KIF5B: variants seen among roughly 807,000 people sequenced by gnomAD.
KIF5B encodes kinesin-1 heavy chain.
In KIF5B, 49 loss-of-function variants were observed where a neutral mutation model predicts 132.8. The observed-to-expected ratio is 0.37, with a 90% CI of 0.29 to 0.47. KIF5B has a LOEUF of 0.47. Among genes scored for constraint, KIF5B ranks in the 20% least tolerant of loss-of-function variants. The pLI, the probability that KIF5B is intolerant of heterozygous loss-of-function variation, is 1.00. For missense variants in KIF5B, 780 were observed against 1,144.0 expected (o/e 0.68, Z 4.59); for synonymous variants, 355 against 369.4 (o/e 0.96, Z 0.45).
At chr10:32,045,939 C>A (rs1841602229) in intron 2 of KIF5B, among the ~76,000 whole-genome samples, 1 of 152,054 alleles carries the variant, frequency 6.6e-6, no homozygotes, top group East Asian at 1.9e-4. Flanking sequence ...AGAAGATTAA[C>A]CTAGGGACCA....
intron 2 of KIF5B, among the ~76,000 whole-genome samples, chr10:32,041,139 CTG>C (rs1841532056): frequency 7.9e-6 from 1 of 126,828 alleles, no homozygotes; most frequent in Non-Finnish European, 1.6e-5. Context: ...CAGTGAGACT[CTG>C]TCTCAAAAAA....
chr10:32,019,441 C>T (rs1841227834), intron 20 of KIF5B, among the ~76,000 whole-genome samples: 1 of 152,068 alleles, frequency 6.6e-6, no homozygotes, highest in Non-Finnish European at 1.5e-5. Context: ...ACCATGAAAA[C>T]CTCTGTTCAA....
At position 32,019,683 on chromosome 10, in the gene KIF5B, C is replaced by A. The variant is rs559186796; in HGVS notation, c.2306+175G>T. Among the ~76,000 whole-genome samples, 5 of 152,214 alleles carry A rather than the reference C, an allele frequency of 3.3e-5. No homozygotes were observed. In the South Asian group the frequency reaches 8.3e-4, roughly 25 times the overall value. ...ATAAGACCTTGCTTTCACTCAAATG[C>A]AAGTATATATTCCAAGTATTTAGAT... On this transcript the variant is annotated intron_variant, in intron 20 of 25. Transcript: ENST00000302418.
In KIF5B at chr10:32,055,949, T is replaced by G; in HGVS notation, c.25A>C (p.Ile9Leu). ...GGTCTGAAGCGACACATCACTTTGATGTTGCACTCGGCCAGGTCCGCCATC... is the reference window on the plus strand; with the variant it reads ...GGTCTGAAGCGACACATCACTTTGAGGTTGCACTCGGCCAGGTCCGCCATC... MADLAECNIKVMCRFRPLN... is the reference protein window; with the variant it reads MADLAECNLKVMCRFRPLN... Residue 9 changes from isoleucine to leucine, a missense_variant, in exon 1 of 26, where the codon ATC becomes CTC. By Grantham distance (5) the Ile-to-Leu change is conservative (BLOSUM62 2). This residue lies in a region of KIF5B where 66 missense variants were observed against 83.4 expected (regional missense o/e 0.79). Coordinates refer to ENST00000302418, the MANE Select transcript of KIF5B (RefSeq NM_004521.3). The G allele has an allele frequency of 6.2e-7, 1 of 1,609,728 alleles. No homozygotes were observed. Among genetic ancestry groups the G allele is most frequent in the Non-Finnish European group, 8.5e-7 (1 of 1,179,894 alleles).
At chr10:32,042,031 G>A (rs1016167208) in intron 2 of KIF5B, among the ~76,000 whole-genome samples, 5 of 152,120 alleles carry the variant, frequency 3.3e-5, no homozygotes, top group South Asian at 2.1e-4. Flanking sequence ...TCTGGCTTTC[G>A]AGGATTTTGT....
intron 17 of KIF5B, among the ~76,000 whole-genome samples, chr10:32,021,765 G>T (rs1197116756): frequency 1.3e-5 from 2 of 152,120 alleles, no homozygotes; most frequent in Admixed American, 6.5e-5. Context: ...GAGGTCAGGA[G>T]ATCAAGACCA....
intron 25 of KIF5B, among the ~76,000 whole-genome samples, chr10:32,011,861 A>C (rs1564460516): frequency 6.6e-6 from 1 of 152,274 alleles, no homozygotes; most frequent in East Asian, 1.9e-4. Flanking sequence ...ACCAGCAGAC[A>C]GTGGTCAGTG....
intron 13 of KIF5B, among the ~76,000 whole-genome samples, chr10:32,031,753 T>C (rs28546184): frequency 6.7e-6 from 1 of 148,840 alleles, no homozygotes; most frequent in East Asian, 2.0e-4. Context: ...AATCCCAGCA[T>C]TTTGGGAGGC....
rs1841072271 is a variant in KIF5B, at chr10:32,011,067, C to G, written c.*470G>C. On this transcript the variant is annotated 3_prime_UTR_variant, in exon 26 of 26. Transcript: ENST00000302418. ...AGTGGTAAAATTTAAAGACATTTAA[C>G]CTAAATGTTCCATTTTCTCTTAAGA... 1 of 151,770 alleles carries G rather than the reference C, an allele frequency of 6.6e-6. No homozygotes were observed. Among genetic ancestry groups the G allele is most frequent in the Admixed American group, 6.6e-5 (1 of 15,238 alleles). 9.4% of individuals were successfully genotyped at this position (151,770 alleles called of 1,614,324 possible).
intron 15 of KIF5B, among the ~76,000 whole-genome samples, chr10:32,026,792 A>G (rs184128967): frequency 5.8e-4 from 88 of 152,344 alleles, no homozygotes; most frequent in African/African-American, 2.1e-3. Context: ...GTTCTGCGAT[A>G]TGAAATAAAT....
chr10:32,025,256 G>A (rs990772169), intron 15 of KIF5B, among the ~76,000 whole-genome samples: 3 of 152,170 alleles, frequency 2.0e-5, no homozygotes, highest in African/African-American at 4.8e-5. Context: ...CACCACTTTG[G>A]AAGACCATTT....
chr10:32,040,626 A>AAC (rs72393080), intron 2 of KIF5B, among the ~76,000 whole-genome samples, 169 bp from the exon 3 acceptor site: 2,362 of 142,160 alleles, frequency 0.017, 54 homozygotes, highest in African/African-American at 0.058. Context: ...AACACCCTAA[A>AAC]ACACACACAC....
chr10:32,019,783 T>C, intron 20 of KIF5B, 75 bp downstream of exon 20: 1 of 962,020 alleles, frequency 1.0e-6, no homozygotes, highest in Non-Finnish European at 1.6e-6. Flanking sequence ...ATCCACTGGC[T>C]ATATCCAAAG....
Position 32,011,304 on chromosome 10 carries a change from T to C in KIF5B, c.*233A>G, listed in dbSNP as rs1413025688. The C allele has an allele frequency of 6.6e-6, 1 of 152,600 alleles. No individual in the cohort carries two copies. Among genetic ancestry groups the C allele is most frequent in the African/African-American group, 2.4e-5 (1 of 41,452 alleles). The allele number at this position is 152,600 out of a possible 1,614,324, so 9.5% of individuals were successfully genotyped here. ...GGCCACAGTTGTAAACTGTCCTTTT[T>C]CCCTCCTAAGATGCCAAAATTGCAC... On this transcript the variant is annotated 3_prime_UTR_variant, in exon 26 of 26. Transcript: ENST00000302418.
rs1460903854 is a variant in KIF5B at position 32,026,081 on chromosome 10, G to A, written c.1725+2347C>T. Among the ~76,000 whole-genome samples, 4 of 152,076 alleles carry A rather than the reference G, an allele frequency of 2.6e-5. No individual in the cohort carries two copies. In the East Asian group the frequency reaches 7.7e-4, roughly 29 times the overall value. On this transcript the variant is annotated intron_variant, in intron 15 of 25. Coordinates refer to ENST00000302418, the MANE Select transcript of KIF5B (RefSeq NM_004521.3). The stretch of plus-strand genomic sequence containing the variant: ...ACTCCTTAAAATCCACACAACTATA[G>A]AATACAATGAGTACAACAATCATTG...
chr10:32,013,378 A>C (rs901112019), intron 25 of KIF5B, among the ~76,000 whole-genome samples: 2 of 152,236 alleles, frequency 1.3e-5, no homozygotes, highest in African/African-American at 2.4e-5. Context: ...GCTGAGTCTA[A>C]TCAATGCTTT....
At position 32,056,200 on chromosome 10, in the gene KIF5B, T is replaced by TGGCGGCGGCGGC. The variant is rs879259305; in HGVS notation, c.-228_-227insGCCGCCGCCGCC. ...CACTTCCGATCCATCATGGCAGCCA[T>TGGCGGCGGCGGC]GGCGGCGGCAGCGGCGGCGGCACCG... On this transcript the variant is annotated 5_prime_UTR_variant, in exon 1 of 26. Coordinates refer to ENST00000302418, the MANE Select transcript of KIF5B (RefSeq NM_004521.3). 1 of 496,746 alleles carries TGGCGGCGGCGGC rather than the reference T, an allele frequency of 2.0e-6. No homozygotes were observed. Among genetic ancestry groups the TGGCGGCGGCGGC allele is most frequent in the Non-Finnish European group, 3.5e-6 (1 of 287,526 alleles). 30.8% of individuals were successfully genotyped at this position (496,746 alleles called of 1,614,324 possible).
intron 14 of KIF5B, among the ~76,000 whole-genome samples, chr10:32,029,753 A>G (rs211360): frequency 0.2 from 30,428 of 152,192 alleles, 3,290 homozygotes; most frequent in Non-Finnish European, 0.24. Flanking sequence ...TAACTGTCTT[A>G]AAGACTAAAA....
At chr10:32,015,455 T>G (rs1841145791) in intron 25 of KIF5B, 54 bp downstream of exon 25, 16 of 1,381,812 alleles carry the variant, frequency 1.2e-5, no homozygotes, top group Non-Finnish European at 1.5e-5. Flanking sequence ...AAAAACCTAT[T>G]TAACAACCAA....
Sources: allele counts gnomAD v4.1 joint callset (sites outside exome capture counted in the v4.1 genomes callset), GRCh38; gene constraint gnomAD v4.1.1; regional missense constraint gnomAD v4.1.1; transcripts MANE v1.5; gene names NCBI Gene and HGNC (gene_info 2026-07-23, HGNC 2026-07-21).